CYTH3: variants seen among roughly 807,000 people sequenced by gnomAD.
The protein encoded by CYTH3 is cytohesin-3.
In CYTH3, 23 loss-of-function variants were observed where a neutral mutation model predicts 55.1. The ratio of observed to expected loss-of-function variants is 0.42; its 90% CI spans 0.30 to 0.59. The LOEUF (loss-of-function observed/expected upper bound fraction) is 0.59, where lower values mean the gene tolerates loss of function less well. CYTH3 is among the 20% of genes least tolerant of loss of function. CYTH3 has a pLI of 0.20. For missense variants in CYTH3, 413 were observed against 524.8 expected (o/e 0.79, Z 2.08); for synonymous variants, 249 against 194.9 (o/e 1.28, Z -2.31).
At chr7:6,187,520 G>A in intron 3 of CYTH3, 137 bp downstream of exon 3, 1 of 770,066 alleles carries the variant, frequency 1.3e-6, no homozygotes, top group Non-Finnish European at 2.3e-6. Flanking sequence ...CAGAGTAGGG[G>A]GAGAGGAGAG....
intron 5 of CYTH3, 46 bp from the exon 6 acceptor site, chr7:6,173,779 A>T (rs1783263615): frequency 3.5e-6 from 4 of 1,131,020 alleles, no homozygotes; most frequent in Non-Finnish European, 4.0e-6. Flanking sequence ...ACATTATCGC[A>T]ATCATTTTAA....
At chr7:6,236,815 A>T (rs1291987718) in intron 1 of CYTH3, among the ~76,000 whole-genome samples, 1 of 151,372 alleles carries the variant, frequency 6.6e-6, no homozygotes, top group Admixed American at 6.6e-5. Context: ...CACCCGCCTC[A>T]GTCTCCCAAA....
intron 1 of CYTH3, among the ~76,000 whole-genome samples, chr7:6,245,563 C>T (rs1040913141): frequency 5.3e-5 from 8 of 152,188 alleles, no homozygotes; most frequent in African/African-American, 1.9e-4. Flanking sequence ...ACCACCCAAG[C>T]GTTTCTACCT....
At chr7:6,177,745 G>C in intron 5 of CYTH3, 78 bp downstream of exon 5, 1 of 1,158,312 alleles carries the variant, frequency 8.6e-7, no homozygotes. Flanking sequence ...TGATGGCCCC[G>C]AAAGTGGAGC....
Position 6,181,048 on chromosome 7 carries a change from A to C in CYTH3, c.250-3107T>G, listed in dbSNP as rs143222749. On this transcript the variant is annotated intron_variant, in intron 4 of 12. Coordinates refer to ENST00000350796, the MANE Select transcript of CYTH3 (RefSeq NM_004227.4). ...TTCAATGTTTGTTAATAATTTAAAA[A>C]TCCTATTTCTCTTCAGTGATTACTC... Among the ~76,000 whole-genome samples the C allele has an allele frequency of 1.5e-3, 234 of 152,276 alleles. 2 individuals are homozygous for C. The highest frequency in any genetic ancestry group is 5.5e-3 in the African/African-American group (228 of 41,550).
At chr7:6,194,763 T>C (rs899059988) in intron 1 of CYTH3, among the ~76,000 whole-genome samples, 1 of 152,110 alleles carries the variant, frequency 6.6e-6, no homozygotes, top group African/African-American at 2.4e-5. Flanking sequence ...GATCATGACG[T>C]CAAGAGATCG....
intron 1 of CYTH3, among the ~76,000 whole-genome samples, chr7:6,216,740 C>CA (rs1784435112): frequency 6.7e-6 from 1 of 150,244 alleles, no homozygotes; most frequent in African/African-American, 2.5e-5. Flanking sequence ...GACCCCATCT[C>CA]AAAAAAATGT....
At chr7:6,192,462 ACTC>A (rs1254400533) in intron 1 of CYTH3, among the ~76,000 whole-genome samples, 3 of 147,914 alleles carry the variant, frequency 2.0e-5, no homozygotes, top group South Asian at 4.3e-4. Flanking sequence ...CTGAAGCAAA[ACTC>A]CTACCTTGGC....
At chr7:6,241,130 A>AT (rs953396661) in intron 1 of CYTH3, among the ~76,000 whole-genome samples, 40 of 152,294 alleles carry the variant, frequency 2.6e-4, no homozygotes, top group African/African-American at 9.4e-4. Flanking sequence ...CAAAAAAAAA[A>AT]AGAAATACAT....
chr7:6,267,109 T>G (rs1780517107), intron 1 of CYTH3, among the ~76,000 whole-genome samples: 1 of 152,228 alleles, frequency 6.6e-6, no homozygotes, highest in African/African-American at 2.4e-5. Context: ...TCTAGCCATG[T>G]GATGTGCCTG....
chr7:6,181,940 T>C (rs1036458683), intron 4 of CYTH3, among the ~76,000 whole-genome samples: 1 of 152,240 alleles, frequency 6.6e-6, no homozygotes. Flanking sequence ...TTTTATATCA[T>C]GGATAAGAAA....
chr7:6,206,461 A>G (rs1279410376), intron 1 of CYTH3, among the ~76,000 whole-genome samples: 2 of 152,248 alleles, frequency 1.3e-5, no homozygotes, highest in African/African-American at 4.8e-5. Context: ...GGGGAGGCAG[A>G]AAGTACTGCC....
intron 1 of CYTH3, among the ~76,000 whole-genome samples, chr7:6,205,385 C>G (rs1021120658): frequency 2.0e-5 from 3 of 151,924 alleles, no homozygotes; most frequent in African/African-American, 7.3e-5. Flanking sequence ...TCAGGCTGGC[C>G]AACATGGTAA....
chr7:6,218,972 T>C (rs1416177105), intron 1 of CYTH3, among the ~76,000 whole-genome samples: 1 of 124,688 alleles, frequency 8.0e-6, no homozygotes, highest in Non-Finnish European at 1.5e-5. Context: ...GCCACTGTAC[T>C]CCAGGCTGGC....
At chr7:6,179,692 A>C (rs943061625) in intron 4 of CYTH3, among the ~76,000 whole-genome samples, 49 of 41,818 alleles carry the variant, frequency 1.2e-3, no homozygotes, top group South Asian at 2.5e-3. Context: ...ACACCCCCCC[A>C]CACACACACC....
intron 1 of CYTH3, among the ~76,000 whole-genome samples, chr7:6,198,640 G>T (rs556955254): frequency 2.6e-5 from 4 of 151,496 alleles, no homozygotes; most frequent in Non-Finnish European, 5.9e-5. Context: ...CAAAGGTCAA[G>T]TGGTTTTTTC....
At chr7:6,181,806 G>C (rs73675884) in intron 4 of CYTH3, among the ~76,000 whole-genome samples, 1,955 of 152,160 alleles carry the variant, frequency 0.013, 40 homozygotes, top group African/African-American at 0.044. Flanking sequence ...ACTGAATAAA[G>C]AATTCTTAAA....
chr7:6,203,597 A>T lies in CYTH3; in HGVS notation c.35-13066T>A, dbSNP rs182510205. Among the ~76,000 whole-genome samples the T allele has an allele frequency of 1.8e-3, 276 of 152,346 alleles. 1 individual carries two copies. Among genetic ancestry groups the T allele is most frequent in the African/African-American group, 6.4e-3 (265 of 41,584 alleles). ...AACTGCTGTGTCACTAATGCCTTCG[A>T]TGGTGACAGCACTGTGTAGAAAAAC... On this transcript the variant is annotated intron_variant, in intron 1 of 12. Coordinates refer to ENST00000350796, the MANE Select transcript of CYTH3 (RefSeq NM_004227.4).
At chr7:6,217,856 G>A (rs1784461620) in intron 1 of CYTH3, among the ~76,000 whole-genome samples, 1 of 151,958 alleles carries the variant, frequency 6.6e-6, no homozygotes, top group Non-Finnish European at 1.5e-5. Flanking sequence ...AAGGAACTCT[G>A]CAAATAGAAT....
Sources: gnomAD v4.1 joint callset for allele counts (sites outside exome capture counted in the v4.1 genomes callset) on GRCh38, gnomAD v4.1.1 for gene constraint, MANE v1.5 for transcripts, NCBI Gene and HGNC (gene_info 2026-07-23, HGNC 2026-07-21) for gene names.